DYM: variants seen among roughly 807,000 people sequenced by gnomAD.
DYM encodes dyggve-Melchior-Clausen syndrome protein.
In DYM, 78 loss-of-function variants were observed where a neutral mutation model predicts 93.1. The ratio of observed to expected loss-of-function variants is 0.84; its 90% confidence interval spans 0.70 to 1.01. The LOEUF (loss-of-function observed/expected upper bound fraction) is 1.01, where lower values mean the gene tolerates loss of function less well. Ranked by LOEUF, DYM falls within the 50% of genes least tolerant of loss-of-function variation. DYM has a pLI of 0.00. For missense variants in DYM, 789 were observed against 845.0 expected, an observed-to-expected ratio of 0.93 and a Z score of 0.82; for synonymous variants, 321 against 319.7, an observed-to-expected ratio of 1.00 and a Z score of -0.04.
At chr18:49,289,727 G>GTTTATATA (rs1555678602) in intron 8 of DYM, among the ~76,000 whole-genome samples, 2 of 85,074 alleles carry the variant, frequency 2.4e-5, no homozygotes, top group African/African-American at 5.1e-5. Flanking sequence ...ATATATATGT[G>GTTTATATA]TATATATATA....
At chr18:49,104,203 GCTCT>G (rs948896913) in intron 16 of DYM, among the ~76,000 whole-genome samples, 12 of 151,956 alleles carry the variant, frequency 7.9e-5, no homozygotes, top group African/African-American at 2.9e-4. Flanking sequence ...TCATGATTTG[GCTCT>G]CTGTTTGTCT....
At chr18:49,046,638 G>C (rs929821490) in intron 17 of DYM, among the ~76,000 whole-genome samples, 2 of 152,196 alleles carry the variant, frequency 1.3e-5, no homozygotes, top group Admixed American at 6.5e-5. Context: ...AGTAGCTCAC[G>C]CCTGTAATCC....
At chr18:49,151,731 C>T (rs1377610197) in intron 15 of DYM, among the ~76,000 whole-genome samples, 2 of 152,114 alleles carry the variant, frequency 1.3e-5, no homozygotes, top group African/African-American at 4.8e-5. Context: ...TAGACAGCTG[C>T]TTTCTATTTG....
At chr18:49,281,931 AC>A in intron 10 of DYM, 65 bp downstream of exon 10, 1 of 1,505,722 alleles carries the variant, frequency 6.6e-7, no homozygotes, top group Non-Finnish European at 9.1e-7. Flanking sequence ...TGTGCCATGT[AC>A]CCTAAAACTT....
rs771942992 is a variant in DYM at position 49,272,280 on chromosome 18, C to A, written c.1149G>T (p.Leu383=). 1.3e-6 allele frequency: 2 copies of A among 1,561,944 alleles called. No homozygotes were observed. Among genetic ancestry groups the A allele is most frequent in the East Asian group, 4.5e-5 (2 of 44,482 alleles). The change falls in exon 11 of 18, where the codon CTG becomes CTT. Residue 383 remains leucine (L), a synonymous_variant. Transcript: ENST00000675505. The part of the protein sequence containing the change: ...ENLVLPILEI[L]YHVEERNSHH... Reference sequence around the variant, plus strand: ...GTGAATTCCTTTCTTCAACATGATACAGAATCTCAAGAATTGGTAAAACCT... The same window carrying A: ...GTGAATTCCTTTCTTCAACATGATAAAGAATCTCAAGAATTGGTAAAACCT...
chr18:49,159,082 T>A (rs1312624742), intron 15 of DYM, among the ~76,000 whole-genome samples: 1 of 152,214 alleles, frequency 6.6e-6, no homozygotes, highest in East Asian at 1.9e-4. Flanking sequence ...ACAATATGTA[T>A]GTATATCTTT....
chr18:49,199,520 G>T (rs1318197708), intron 14 of DYM, among the ~76,000 whole-genome samples: 2 of 152,196 alleles, frequency 1.3e-5, no homozygotes, highest in Non-Finnish European at 1.5e-5. Context: ...GAATAGGCTT[G>T]ATGACAGGAT....
At chr18:49,313,493 A>AAG (rs2061734917) in intron 8 of DYM, among the ~76,000 whole-genome samples, 1 of 141,036 alleles carries the variant, frequency 7.1e-6, no homozygotes, top group African/African-American at 2.8e-5. Context: ...AAAAAAAAAA[A>AAG]AAAAGGGCTG....
intron 3 of DYM, among the ~76,000 whole-genome samples, chr18:49,390,120 T>C (rs2069057361): frequency 6.6e-6 from 1 of 152,180 alleles, no homozygotes; most frequent in Admixed American, 6.5e-5. Flanking sequence ...AGTTTGTTTT[T>C]AAAAACAAAA....
At chr18:49,267,665 G>C (rs147823209) in intron 11 of DYM, among the ~76,000 whole-genome samples, 1 of 152,122 alleles carries the variant, frequency 6.6e-6, no homozygotes, top group African/African-American at 2.4e-5. Context: ...AGGCCAAGGC[G>C]GCTGGATCAC....
chr18:49,441,083 T>A (rs1439090104), intron 1 of DYM, among the ~76,000 whole-genome samples: 1 of 7,932 alleles, frequency 1.3e-4, no homozygotes, highest in African/African-American at 3.1e-4. Flanking sequence ...AATATTATAT[T>A]ATATATTATA....
chr18:49,442,672 A>C (rs1175206598), intron 1 of DYM, among the ~76,000 whole-genome samples: 1 of 152,098 alleles, frequency 6.6e-6, no homozygotes, highest in East Asian at 1.9e-4. Context: ...AGTAACAATA[A>C]TACCAAACAT....
rs774101462 is a variant in DYM, at chr18:49,430,358, T to C, written c.37A>G (p.Lys13Glu). 2.5e-6 allele frequency: 4 copies of C among 1,614,042 alleles called. No individual in the cohort carries two copies. The South Asian group carries it at 4.4e-5, about 18-fold the overall frequency. Residue 13 changes from lysine to glutamate, a missense_variant, in exon 2 of 18, where the codon AAA (lysine) becomes GAA (glutamate). Lys to Glu is a moderately conservative substitution (Grantham distance 56). Transcript: ENST00000675505. ...SNSSRIGDLP[K>E]NEYLKKLSGT... The stretch of plus-strand genomic sequence containing the variant: ...GATAACTTTTTCAAGTACTCATTTT[T>C]AGGAAGATCGCCGATTCTGCTGCTA...
chr18:49,069,108 A>T (rs2076686678), intron 17 of DYM, among the ~76,000 whole-genome samples: 1 of 152,224 alleles, frequency 6.6e-6, no homozygotes, highest in Non-Finnish European at 1.5e-5. Flanking sequence ...TAAAATAATT[A>T]CCTACATAGA....
chr18:49,400,882 A>G (rs989497625), intron 2 of DYM, among the ~76,000 whole-genome samples: 1 of 152,214 alleles, frequency 6.6e-6, no homozygotes, highest in African/African-American at 2.4e-5. Flanking sequence ...TCTATGCACA[A>G]TGCTGTTTTA....
At chr18:49,238,203 T>C (rs73961927) in intron 13 of DYM, among the ~76,000 whole-genome samples, 224 of 152,328 alleles carry the variant, frequency 1.5e-3, no homozygotes, top group African/African-American at 5.2e-3. Context: ...ATTTTTCTAA[T>C]CTGATAGGTA....
chr18:49,324,138 CAAAAAAAAAAAAAAAAAAA>C (rs59640889), intron 8 of DYM, among the ~76,000 whole-genome samples: 2 of 54,436 alleles, frequency 3.7e-5, no homozygotes, highest in African/African-American at 8.2e-5. Context: ...GGCTCTGTCT[CAAAAAAAAAAAAAAAAAAA>C]AAAAAAAAAA....
At chr18:49,297,036 A>C (rs111516040) in intron 8 of DYM, among the ~76,000 whole-genome samples, 1,662 of 152,274 alleles carry the variant, frequency 0.011, 29 homozygotes, top group African/African-American at 0.038. Flanking sequence ...GATGTTTTTA[A>C]AGTGTACAAG....
intron 14 of DYM, among the ~76,000 whole-genome samples, chr18:49,167,048 C>A (rs2087992080): frequency 6.7e-6 from 1 of 148,458 alleles, no homozygotes; most frequent in Non-Finnish European, 1.5e-5. Context: ...GCCTGTGTCC[C>A]CTATTAGTGC....
Sources: gnomAD v4.1 joint callset for allele counts (sites outside exome capture counted in the v4.1 genomes callset) on GRCh38, gnomAD v4.1.1 for gene constraint, MANE v1.5 for transcripts, NCBI Gene and HGNC (gene_info 2026-07-23, HGNC 2026-07-21) for gene names.